THSD7B: variants seen among roughly 807,000 people sequenced by gnomAD.
THSD7B encodes thrombospondin type-1 domain-containing protein 7B.
THSD7B carries 138 observed loss-of-function variants against 213.6 expected under a neutral mutation model. That is an observed-to-expected ratio of 0.65 (90% CI 0.56 to 0.74). The LOEUF (loss-of-function observed/expected upper bound fraction) is 0.74, where lower values mean the gene tolerates loss of function less well. Ranked by LOEUF, THSD7B falls within the 30% of genes least tolerant of loss-of-function variation. THSD7B has a pLI of 0.00. For synonymous variants in THSD7B, 742 were observed against 687.0 expected (o/e 1.08, Z -1.25); for missense variants, 1,931 against 1,991.5 (o/e 0.97, Z 0.58).
At chr2:137,006,277 C>T (rs940215517) in intron 2 of THSD7B, among the ~76,000 whole-genome samples, 1 of 152,126 alleles carries the variant, frequency 6.6e-6, no homozygotes, top group African/African-American at 2.4e-5. Context: ...CGCCTGTAGT[C>T]CGAACTACTC....
intron 12 of THSD7B, among the ~76,000 whole-genome samples, chr2:137,344,731 G>T (rs1178814374): frequency 6.6e-6 from 1 of 151,620 alleles, no homozygotes; most frequent in Admixed American, 6.6e-5. Flanking sequence ...CCTGGAAGGG[G>T]TGGATATAAG....
chr2:136,928,710 C>T (rs1684582228), intron 2 of THSD7B, among the ~76,000 whole-genome samples: 1 of 151,976 alleles, frequency 6.6e-6, no homozygotes, highest in Non-Finnish European at 1.5e-5. Flanking sequence ...GGAAGTCTAA[C>T]ATTAAAAGAT....
At chr2:137,134,470 A>C (rs535472098) in intron 5 of THSD7B, among the ~76,000 whole-genome samples, 1 of 152,268 alleles carries the variant, frequency 6.6e-6, no homozygotes, top group South Asian at 2.1e-4. Context: ...GGGATGGCCC[A>C]AGTGTCAGCT....
intron 7 of THSD7B, among the ~76,000 whole-genome samples, chr2:137,190,815 C>A (rs1002815569): frequency 6.6e-6 from 1 of 152,196 alleles, no homozygotes; most frequent in Non-Finnish European, 1.5e-5. Context: ...CCTTTTCCCT[C>A]GTGTGGAGAG....
At position 137,364,105 on chromosome 2, in the gene THSD7B, A is replaced by C. The variant is rs184695706; in HGVS notation, c.2501-41508A>C. Among the ~76,000 whole-genome samples the C allele has an allele frequency of 3.3e-4, 51 of 152,312 alleles. 1 individual carries two copies. The East Asian group carries it at 9.4e-3, about 28-fold the overall frequency. On this transcript the variant is annotated intron_variant, in intron 12 of 27. Transcript: ENST00000409968. ...GTTCAACATACGCAAATCAATAAAC[A>C]TAATCCAGCATATAAACAGAACCAA...
At chr2:136,885,073 T>A (rs763061406) in intron 2 of THSD7B, among the ~76,000 whole-genome samples, 8 of 152,162 alleles carry the variant, frequency 5.3e-5, no homozygotes, top group Non-Finnish European at 1.0e-4. Context: ...ATTAGCTGTA[T>A]TTTTAGGGTA....
At chr2:137,565,436 T>C (rs1377415149) in intron 16 of THSD7B, among the ~76,000 whole-genome samples, 1 of 152,102 alleles carries the variant, frequency 6.6e-6, no homozygotes, top group Non-Finnish European at 1.5e-5. Flanking sequence ...ACCACAAGAA[T>C]GAGCCAAGCT....
chr2:137,269,105 T>C (rs1333165043), intron 10 of THSD7B, among the ~76,000 whole-genome samples: 1 of 152,040 alleles, frequency 6.6e-6, no homozygotes, highest in Non-Finnish European at 1.5e-5. Flanking sequence ...ACATCTCTGG[T>C]ATTGTTTCCC....
At chr2:137,651,269 C>A (rs1002533731) in intron 21 of THSD7B, among the ~76,000 whole-genome samples, 3 of 151,498 alleles carry the variant, frequency 2.0e-5, no homozygotes, top group Admixed American at 1.3e-4. Flanking sequence ...TCGTTTGTTG[C>A]CATTTTCTAT....
chr2:137,435,630 G>A (rs191313080), intron 14 of THSD7B, among the ~76,000 whole-genome samples: 29 of 152,134 alleles, frequency 1.9e-4, no homozygotes, highest in African/African-American at 6.0e-4. Flanking sequence ...TCATGTCCAC[G>A]GGCAATGATC....
At chr2:137,252,564 T>G (rs905705801) in intron 10 of THSD7B, among the ~76,000 whole-genome samples, 1 of 152,204 alleles carries the variant, frequency 6.6e-6, no homozygotes. Flanking sequence ...TCTGAAGTGC[T>G]GGGATTACAG....
At chr2:137,550,113 T>A (rs1680817125) in intron 15 of THSD7B, among the ~76,000 whole-genome samples, 1 of 152,016 alleles carries the variant, frequency 6.6e-6, no homozygotes, top group Admixed American at 6.6e-5. Context: ...GGAGTGACCT[T>A]CCCTCTCTCA....
intron 3 of THSD7B, among the ~76,000 whole-genome samples, chr2:137,065,049 G>C (rs1687350714): frequency 6.6e-6 from 1 of 151,578 alleles, no homozygotes; most frequent in African/African-American, 2.4e-5. Context: ...CGATTTCTGT[G>C]AAAAATATTA....
At chr2:137,649,220 G>T (rs1005235239) in intron 21 of THSD7B, among the ~76,000 whole-genome samples, 1 of 151,958 alleles carries the variant, frequency 6.6e-6, no homozygotes, top group Non-Finnish European at 1.5e-5. Context: ...CCATTCTGTT[G>T]GTTGTCTCTT....
At chr2:137,519,870 A>G in intron 15 of THSD7B, among the ~76,000 whole-genome samples, 1 of 152,216 alleles carries the variant, frequency 6.6e-6, no homozygotes, top group East Asian at 1.9e-4. Flanking sequence ...TTATTTGATC[A>G]CTGGGGCTTT....
intron 12 of THSD7B, among the ~76,000 whole-genome samples, chr2:137,404,073 A>C (rs1409774366): frequency 6.6e-6 from 1 of 152,206 alleles, no homozygotes; most frequent in African/African-American, 2.4e-5. Flanking sequence ...CATAAATAAA[A>C]TAAAACAAAA....
chr2:137,108,124 A>G (rs1357765631), intron 4 of THSD7B, among the ~76,000 whole-genome samples: 1 of 152,232 alleles, frequency 6.6e-6, no homozygotes, highest in Non-Finnish European at 1.5e-5. Context: ...ATATGTGCTC[A>G]GTCAAAACAT....
At chr2:137,621,787 T>C (rs1018412046) in intron 20 of THSD7B, among the ~76,000 whole-genome samples, 6 of 152,194 alleles carry the variant, frequency 3.9e-5, no homozygotes, top group African/African-American at 1.4e-4. Context: ...CACCTGAGGC[T>C]GGTTAATTTA....
At chr2:137,556,194 C>T (rs1573705590) in intron 15 of THSD7B, among the ~76,000 whole-genome samples, 1 of 152,228 alleles carries the variant, frequency 6.6e-6, no homozygotes, top group Admixed American at 6.5e-5. Flanking sequence ...ACAGAGAATG[C>T]CACAAAGATA....
Sources: allele counts gnomAD v4.1 joint callset (sites outside exome capture counted in the v4.1 genomes callset), GRCh38; gene constraint gnomAD v4.1.1; transcripts MANE v1.5; gene names NCBI Gene and HGNC (gene_info 2026-07-23, HGNC 2026-07-21).